The following ATP10B variants were observed in gnomAD, a reference collection of about 807,000 sequenced individuals.
ATP10B encodes ATPase phospholipid transporting 10B (putative).
In ATP10B, 122 loss-of-function variants were observed where a neutral mutation model predicts 141.2. The ratio of observed to expected loss-of-function variants is 0.86; its 90% CI spans 0.75 to 1.00. ATP10B has a LOEUF of 1.00. Among genes scored for constraint, ATP10B ranks in the 50% least tolerant of loss-of-function variants. ATP10B has a pLI of 0.00. For missense variants in ATP10B, 1,876 were observed against 1,825.3 expected (o/e 1.03, Z -0.51); for synonymous variants, 685 against 692.0 (o/e 0.99, Z 0.16).
chr5:160,920,858 G>T, the ATP10B span, among the ~76,000 whole-genome samples: 1 of 152,312 alleles, frequency 6.6e-6, no homozygotes, highest in South Asian at 2.1e-4. Context: ...TGGTCAGGGG[G>T]CCTCACTTTG....
At chr5:160,764,335 C>G (rs893426245) in intron 2 of ATP10B, among the ~76,000 whole-genome samples, 11 of 152,134 alleles carry the variant, frequency 7.2e-5, no homozygotes, top group African/African-American at 2.4e-4. Context: ...TAACTGAATT[C>G]AACAGCGTAT....
Position 160,606,839 on chromosome 5 carries a change from C to G in ATP10B, c.3086G>C (p.Arg1029Pro). Residue 1029 changes from arginine (R) to proline (P), a missense_variant, in exon 19 of 26, where the codon CGC (arginine) becomes CCC (proline). Physicochemically the swap from Arg to Pro is moderately radical, Grantham distance 103. Transcript: ENST00000327245. ...CATACTCTTCTGGAGTGGCGTGGAGCGGCAGCACAGGACGGACCGACAATA... is the reference window on the plus strand; with the variant it reads ...CATACTCTTCTGGAGTGGCGTGGAGGGGCAGCACAGGACGGACCGACAATA... ...TQYCRSVLCCRSTPLQKSMIV... is the reference protein window; with the variant it reads ...TQYCRSVLCCPSTPLQKSMIV... The G allele has an allele frequency of 6.2e-7, 1 of 1,614,122 alleles. No homozygotes were observed. Among genetic ancestry groups the G allele is most frequent in the Non-Finnish European group, 8.5e-7 (1 of 1,180,008 alleles).
chr5:160,770,006 G>A (rs17058228), intron 2 of ATP10B, among the ~76,000 whole-genome samples: 31,675 of 152,144 alleles, frequency 0.21, 3,957 homozygotes, highest in East Asian at 0.51. Context: ...AGAAGTGATA[G>A]GAGGTAACTG....
intron 11 of ATP10B, among the ~76,000 whole-genome samples, 179 bp downstream of exon 11, chr5:160,636,003 C>G (rs1464633061): frequency 6.6e-6 from 1 of 152,196 alleles, no homozygotes. Context: ...AGGGCTGGGT[C>G]CTTAAATCAC....
chr5:160,894,092 C>T, the ATP10B span, among the ~76,000 whole-genome samples: 1 of 152,080 alleles, frequency 6.6e-6, no homozygotes, highest in Non-Finnish European at 1.5e-5. Flanking sequence ...TGAAGAAAAA[C>T]CAGCACAAAA....
At chr5:160,589,810 C>A in intron 23 of ATP10B, 114 bp from the exon 24 acceptor site, 1 of 746,802 alleles carries the variant, frequency 1.3e-6, no homozygotes, top group Non-Finnish European at 2.4e-6. Context: ...AAGGAGGTAC[C>A]CAGCTGCCAT....
At chr5:160,648,332 T>C (rs1760444599) in intron 8 of ATP10B, among the ~76,000 whole-genome samples, 1 of 152,184 alleles carries the variant, frequency 6.6e-6, no homozygotes, top group Non-Finnish European at 1.5e-5. Flanking sequence ...ATTATTATTA[T>C]TACTACTTAG....
intron 19 of ATP10B, 107 bp downstream of exon 19, chr5:160,606,658 C>CA: frequency 7.1e-6 from 8 of 1,125,956 alleles, no homozygotes; most frequent in Non-Finnish European, 1.0e-5. Flanking sequence ...GACAATGACT[C>CA]ACAGCCTAAG....
At chr5:160,735,656 A>C (rs1767063810) in intron 2 of ATP10B, among the ~76,000 whole-genome samples, 1 of 152,168 alleles carries the variant, frequency 6.6e-6, no homozygotes, top group South Asian at 2.1e-4. Flanking sequence ...TCTACTAGAT[A>C]ATCACAGAAC....
At chr5:160,809,120 G>A (rs539705048) in intron 1 of ATP10B, among the ~76,000 whole-genome samples, 1 of 152,196 alleles carries the variant, frequency 6.6e-6, no homozygotes, top group South Asian at 2.1e-4. Flanking sequence ...TCTCTAATTC[G>A]GGTTAATTTT....
intron 3 of ATP10B, among the ~76,000 whole-genome samples, chr5:160,702,653 C>T (rs1454336955): frequency 6.6e-6 from 1 of 152,048 alleles, no homozygotes. Flanking sequence ...CTTTTGTCTC[C>T]TTTGATCTGA....
chr5:160,762,020 CAA>C (rs1769084582), intron 2 of ATP10B, among the ~76,000 whole-genome samples: 2 of 112,762 alleles, frequency 1.8e-5, no homozygotes, highest in Non-Finnish European at 4.1e-5. Flanking sequence ...CCTAATCCCA[CAA>C]AGACAATTTA....
chr5:160,672,451 T>G (rs1395977410), intron 6 of ATP10B, among the ~76,000 whole-genome samples: 9 of 152,218 alleles, frequency 5.9e-5, no homozygotes, highest in Admixed American at 5.9e-4. Context: ...CCAAGCCAAA[T>G]TTAACTTTCC....
chr5:160,925,292 A>T, the ATP10B span, among the ~76,000 whole-genome samples: 1 of 152,216 alleles, frequency 6.6e-6, no homozygotes, highest in East Asian at 1.9e-4. Flanking sequence ...GTTGAGGGAA[A>T]AGTAGCAGCA....
intron 1 of ATP10B, among the ~76,000 whole-genome samples, chr5:160,833,833 C>T (rs938482759): frequency 6.6e-6 from 1 of 151,980 alleles, no homozygotes; most frequent in Non-Finnish European, 1.5e-5. Context: ...TTAAAAATGA[C>T]TTTAAAAGCA....
rs138189233 is a variant in ATP10B, at chr5:160,625,939, C to T, written c.1621-3354G>A. Among the ~76,000 whole-genome samples, 207 of 152,338 alleles carry T rather than the reference C, an allele frequency of 1.4e-3. 2 individuals carry two copies. Among genetic ancestry groups the T allele is most frequent in the African/African-American group, 4.7e-3 (195 of 41,584 alleles). Reference sequence around the variant, plus strand: ...AGCAATGCATTAAAACAAAGGCCTTCGCTGTAAAAGGCCCTGGCTCATCCT... The same window carrying T: ...AGCAATGCATTAAAACAAAGGCCTTTGCTGTAAAAGGCCCTGGCTCATCCT... On this transcript the variant is annotated intron_variant, in intron 13 of 25. Coordinates refer to ENST00000327245, the MANE Select transcript of ATP10B (RefSeq NM_025153.3).
At chr5:160,617,269 G>A (rs1758076289) in intron 16 of ATP10B, among the ~76,000 whole-genome samples, 1 of 152,234 alleles carries the variant, frequency 6.6e-6, no homozygotes, top group Admixed American at 6.5e-5. Flanking sequence ...AAGTTGCAAA[G>A]TCAAAGATCT....
chr5:160,579,451 A>G (rs986245040), intron 24 of ATP10B, among the ~76,000 whole-genome samples: 1 of 152,164 alleles, frequency 6.6e-6, no homozygotes, highest in African/African-American at 2.4e-5. Flanking sequence ...TGTTTCTGTC[A>G]GAGTTGTCAA....
chr5:160,588,430 T>C (rs1035311412), intron 24 of ATP10B, among the ~76,000 whole-genome samples: 1 of 152,200 alleles, frequency 6.6e-6, no homozygotes, highest in Non-Finnish European at 1.5e-5. Flanking sequence ...CATTGCAGAA[T>C]GTAGGAACAT....
Sources: gnomAD v4.1 joint callset for allele counts (sites outside exome capture counted in the v4.1 genomes callset) on GRCh38, gnomAD v4.1.1 for gene constraint, MANE v1.5 for transcripts, NCBI Gene and HGNC (gene_info 2026-07-23, HGNC 2026-07-21) for gene names.